GALNT17: variants seen among roughly 807,000 people sequenced by gnomAD.
The protein encoded by GALNT17 is UDP-GalNAc:polypeptide N-acetylgalactosaminyltransferase-like 3.
A neutral mutation model predicts 63.7 loss-of-function variants in GALNT17; 29 were observed. That is an observed-to-expected ratio of 0.46 (90% confidence interval 0.34 to 0.62). GALNT17 has a LOEUF of 0.62. GALNT17 is among the 20% of genes least tolerant of loss of function. The pLI is 0.01. For synonymous variants in GALNT17, 305 were observed against 318.3 expected, an observed-to-expected ratio of 0.96 and a Z score of 0.45; for missense variants, 603 against 799.6, an observed-to-expected ratio of 0.75 and a Z score of 2.97.
At position 71,388,395 on chromosome 7, in the gene GALNT17, G is replaced by A. The variant is rs1342377154; in HGVS notation, c.583G>A (p.Asp195Asn). 13 of 1,613,878 alleles carry A rather than the reference G, an allele frequency of 8.1e-6. No individual in the cohort carries two copies. The highest frequency in any genetic ancestry group is 2.2e-5 in the South Asian group (2 of 91,004). The change falls in exon 3 of 11, where the codon GAC becomes AAC. Residue 195 changes from aspartate to asparagine, a missense_variant. Coordinates refer to ENST00000333538, the MANE Select transcript of GALNT17 (RefSeq NM_022479.3). ...KEIILVDDNS[D>N]EEELKVPLEE... is the part of the protein sequence containing the mutation. ...AATCATTCTGGTGGATGACAACAGC[G>A]ACGAAGGTACAGGGGTGGCTGACCT...
chr7:71,142,012 C>CTGTGTGTGTGTGTGTGTGTGTG lies in GALNT17; in HGVS notation c.238+8986_238+9007dup, dbSNP rs201770661. On this transcript the variant is annotated intron_variant, in intron 1 of 10. Transcript: ENST00000333538. ...TTCAGGCATGAGCCACCACATTTGGCTGTGTGTGTGTGTGTGTGTGTGTGT... is the reference window on the plus strand; with the variant it reads ...TTCAGGCATGAGCCACCACATTTGGCTGTGTGTGTGTGTGTGTGTGTGTGTGTGTGTGTGTGTGTGTGTGTGT... Among the ~76,000 whole-genome samples, 8 of 124,890 alleles carry CTGTGTGTGTGTGTGTGTGTGTG rather than the reference C, an allele frequency of 6.4e-5. No individual in the cohort carries two copies. In the East Asian group the frequency reaches 9.6e-4, roughly 15 times the overall value. 81.9% of individuals were successfully genotyped at this position (124,890 alleles called of 152,430 possible). A position where few individuals can be genotyped will look rare whatever the true frequency, so the allele number is the denominator to read the frequency against.
In GALNT17 at chr7:71,572,513, A is replaced by AC. The variant is rs1554310735; in HGVS notation, c.1080+1111_1080+1112insC. ...CAAGACCCTGTCTCATTAAAAAAAAAAAAAAAAAAAAAAAAAACTACATGT... is the reference window on the plus strand; with the variant it reads ...CAAGACCCTGTCTCATTAAAAAAAAACAAAAAAAAAAAAAAAAACTACATGT... On this transcript the variant is annotated intron_variant, in intron 6 of 10. Transcript: ENST00000333538. Among the ~76,000 whole-genome samples the AC allele has an allele frequency of 1.2e-3, 175 of 140,600 alleles. 5 individuals are homozygous for AC. Among genetic ancestry groups the AC allele is most frequent in the Non-Finnish European group, 1.5e-3 (99 of 64,026 alleles). The allele number at this position is 140,600 out of a possible 152,430, so 92.2% of individuals were successfully genotyped here.
At chr7:71,499,236 A>C (rs1388302064) in intron 5 of GALNT17, among the ~76,000 whole-genome samples, 1 of 152,152 alleles carries the variant, frequency 6.6e-6, no homozygotes, top group East Asian at 1.9e-4. Flanking sequence ...CTATTGGGGC[A>C]GGGTTGGGGA....
chr7:71,181,521 T>A (rs1788735173), intron 1 of GALNT17, among the ~76,000 whole-genome samples: 1 of 151,996 alleles, frequency 6.6e-6, no homozygotes, highest in African/African-American at 2.4e-5. Flanking sequence ...GATGAAGGGG[T>A]GATATTTGCT....
Position 71,693,162 on chromosome 7 carries a change from AGTAT to A in GALNT17, c.1500+15857_1500+15860del, listed in dbSNP as rs1791481106. Among the ~76,000 whole-genome samples, 3 of 150,386 alleles carry A rather than the reference AGTAT, an allele frequency of 2.0e-5. No homozygotes were observed. In the South Asian group the frequency reaches 6.4e-4, roughly 32 times the overall value. The stretch of plus-strand genomic sequence containing the variant: ...CTATAAGTATATAAGTATATATTTA[AGTAT>A]ATACTATAATATAAATAGTGTGTGT... On this transcript the variant is annotated intron_variant, in intron 9 of 10. Transcript: ENST00000333538.
chr7:71,472,558 C>T (rs146466120), intron 5 of GALNT17, among the ~76,000 whole-genome samples: 11 of 152,174 alleles, frequency 7.2e-5, no homozygotes, highest in African/African-American at 1.9e-4. Flanking sequence ...TGATGGCGTG[C>T]GCCTGTAATC....
At chr7:71,338,332 A>C (rs1791948371) in intron 2 of GALNT17, among the ~76,000 whole-genome samples, 1 of 147,500 alleles carries the variant, frequency 6.8e-6, no homozygotes, top group Non-Finnish European at 1.5e-5. Context: ...GTCTCAAAAA[A>C]AAAATAAATA....
chr7:71,482,150 ATTT>A (rs149578252), intron 5 of GALNT17, among the ~76,000 whole-genome samples: 5,684 of 128,494 alleles, frequency 0.044, 194 homozygotes, highest in African/African-American at 0.097. Flanking sequence ...ACAAGGATAC[ATTT>A]TTTTTTTTTT....
intron 2 of GALNT17, among the ~76,000 whole-genome samples, chr7:71,371,106 G>A (rs548601945): frequency 6.6e-6 from 1 of 152,062 alleles, no homozygotes; most frequent in Non-Finnish European, 1.5e-5. Context: ...GCTGACTGTG[G>A]CATCAGTGGG....
intron 2 of GALNT17, among the ~76,000 whole-genome samples, chr7:71,341,492 G>A (rs1249184271): frequency 2.0e-5 from 3 of 152,060 alleles, no homozygotes; most frequent in African/African-American, 7.2e-5. Context: ...CTCACATCAA[G>A]AAATGTAAAT....
intron 1 of GALNT17, among the ~76,000 whole-genome samples, chr7:71,333,888 A>G (rs1011823912): frequency 6.6e-6 from 1 of 152,160 alleles, no homozygotes; most frequent in African/African-American, 2.4e-5. Flanking sequence ...TGATTTTAAA[A>G]CCAAGCACAG....
At chr7:71,299,449 A>C (rs1791153586) in intron 1 of GALNT17, among the ~76,000 whole-genome samples, 1 of 152,174 alleles carries the variant, frequency 6.6e-6, no homozygotes, top group Admixed American at 6.5e-5. Flanking sequence ...CAGATAAGGA[A>C]ACCGAGGCTG....
intron 6 of GALNT17, among the ~76,000 whole-genome samples, chr7:71,575,730 C>T (rs1789527148): frequency 6.6e-6 from 1 of 151,980 alleles, no homozygotes; most frequent in African/African-American, 2.4e-5. Context: ...TGTGATCTTT[C>T]TAACTAGTCT....
chr7:71,284,638 G>T lies in GALNT17; in HGVS notation c.239-50912G>T, dbSNP rs569627846. On this transcript the variant is annotated intron_variant, in intron 1 of 10. Coordinates refer to ENST00000333538, the MANE Select transcript of GALNT17 (RefSeq NM_022479.3). ...AGGCCTCCCAGCCCTGCAGAACTGT[G>T]AGTCTCTTAAACCACATTCCTTTAT... 4.6e-5 allele frequency: 7 copies of T among 152,234 alleles called. No homozygotes were observed. The East Asian group carries it at 1.4e-3, about 29-fold the overall frequency. The allele number at this position is 152,234 out of a possible 1,614,324, so 9.4% of individuals were successfully genotyped here. A position where few individuals can be genotyped will look rare whatever the true frequency, so the allele number is the denominator to read the frequency against.
chr7:71,661,865 C>T (rs1171478755), intron 6 of GALNT17, among the ~76,000 whole-genome samples: 3 of 152,200 alleles, frequency 2.0e-5, no homozygotes, highest in Admixed American at 6.5e-5. Context: ...ACAGGAAGCC[C>T]ATGTCTCTGC....
At chr7:71,530,399 G>A (rs1788697766) in intron 5 of GALNT17, among the ~76,000 whole-genome samples, 2 of 152,112 alleles carry the variant, frequency 1.3e-5, no homozygotes, top group Admixed American at 6.6e-5. Context: ...CGAATGTTAG[G>A]AGATAAGTAC....
At chr7:71,540,135 GTCTC>G (rs1374593596) in intron 5 of GALNT17, among the ~76,000 whole-genome samples, 1 of 64,404 alleles carries the variant, frequency 1.6e-5, no homozygotes, top group African/African-American at 5.1e-5. Flanking sequence ...TTTTGATGGA[GTCTC>G]TCTATGTCCT....
chr7:71,522,110 T>G (rs1157377222), intron 5 of GALNT17, among the ~76,000 whole-genome samples: 1 of 151,816 alleles, frequency 6.6e-6, no homozygotes, highest in Non-Finnish European at 1.5e-5. Flanking sequence ...TGCAATACTG[T>G]GGAGCCTGCG....
chr7:71,486,623 A>C (rs987866028), intron 5 of GALNT17, among the ~76,000 whole-genome samples: 1 of 151,486 alleles, frequency 6.6e-6, no homozygotes, highest in Admixed American at 6.6e-5. Context: ...TACAATCAAA[A>C]GGCAGGCGGA....
Sources: allele counts gnomAD v4.1 joint callset (sites outside exome capture counted in the v4.1 genomes callset), GRCh38; gene constraint gnomAD v4.1.1; transcripts MANE v1.5; gene names NCBI Gene and HGNC (gene_info 2026-07-23, HGNC 2026-07-21).